ARHGEF10: variants seen among roughly 807,000 people sequenced by gnomAD.
ARHGEF10 encodes the protein Rho guanine nucleotide exchange factor (GEF) 10.
In ARHGEF10, 140 loss-of-function variants were observed where a neutral mutation model predicts 147.4. The observed-to-expected ratio is 0.95, with a 90% CI of 0.83 to 1.09. The LOEUF (loss-of-function observed/expected upper bound fraction) is 1.09, where lower values mean the gene tolerates loss of function less well. ARHGEF10 is among the 50% of genes least tolerant of loss of function. The pLI is 0.00. For synonymous variants in ARHGEF10, 902 were observed against 695.8 expected, an observed-to-expected ratio of 1.30 and a Z score of -4.67; for missense variants, 2,222 against 1,752.7, an observed-to-expected ratio of 1.27 and a Z score of -4.78.
chr8:1,824,182 T>C (rs998252860), intron 1 of ARHGEF10, 69 bp downstream of exon 1: 6 of 152,178 alleles, frequency 3.9e-5, no homozygotes, highest in Non-Finnish European at 5.9e-5. Context: ...GTTGCACTTC[T>C]GCCCGGCTCC....
At chr8:1,839,423 CTGTCTGGTGTGGGGAG>C (rs1476654804) in intron 1 of ARHGEF10, among the ~76,000 whole-genome samples, 1 of 139,390 alleles carries the variant, frequency 7.2e-6, no homozygotes, top group Non-Finnish European at 1.5e-5. Context: ...GCTGTGGAAG[CTGTCTGGTGTGGGGAG>C]TGTCTGGTGT....
At chr8:1,845,548 C>T (rs35717593) in intron 2 of ARHGEF10, among the ~76,000 whole-genome samples, 10 of 152,112 alleles carry the variant, frequency 6.6e-5, no homozygotes, top group Non-Finnish European at 1.3e-4. Context: ...GCGTGGAGGA[C>T]GTAGGACCCG....
intron 1 of ARHGEF10, among the ~76,000 whole-genome samples, chr8:1,834,350 C>T (rs1287712413): frequency 1.3e-5 from 2 of 152,234 alleles, no homozygotes; most frequent in East Asian, 3.9e-4. Flanking sequence ...GGGAGAAGAT[C>T]CCACGGAGAC....
chr8:1,855,536 C>T (rs1237220607), intron 2 of ARHGEF10, among the ~76,000 whole-genome samples: 1 of 151,942 alleles, frequency 6.6e-6, no homozygotes, highest in African/African-American at 2.4e-5. Context: ...TCCACGCCTT[C>T]ACCCCAGGCT....
At chr8:1,835,514 C>A (rs762858772) in intron 1 of ARHGEF10, among the ~76,000 whole-genome samples, 27 of 152,192 alleles carry the variant, frequency 1.8e-4, no homozygotes, top group Non-Finnish European at 3.7e-4. Context: ...GACTTCCTCC[C>A]ACGCAGGAGT....
At chr8:1,849,971 G>T (rs1162333339) in intron 2 of ARHGEF10, among the ~76,000 whole-genome samples, 4 of 123,806 alleles carry the variant, frequency 3.2e-5, no homozygotes, top group Non-Finnish European at 5.2e-5. Flanking sequence ...AGGAGGGCGT[G>T]GGCCGGCTGC....
In ARHGEF10 at chr8:1,928,540, C is replaced by A. The variant is rs142010865; in HGVS notation, c.2811C>A (p.Tyr937Ter). The A allele has an allele frequency of 6.2e-7, 1 of 1,614,208 alleles. No individual in the cohort carries two copies. The highest frequency in any genetic ancestry group is 1.7e-5 in the Admixed American group (1 of 60,026). The change falls in exon 24 of 29, where the codon TAC becomes TAA. Residue 937 changes from tyrosine (Y) to a stop codon, truncating the protein, a stop_gained. Coordinates refer to ENST00000349830, the MANE Select transcript of ARHGEF10 (RefSeq NM_014629.4). LOFTEE classifies it high-confidence loss of function. ...AATCTCGCATCCTGTGCATGCTGTA[C>A]GTTCCCGTCGAGGAGAAGCGCAGAG... ...NVESRILCMLYVPVEEKRREP... is the reference protein window; with the variant it reads ...NVESRILCML
intron 1 of ARHGEF10, among the ~76,000 whole-genome samples, chr8:1,826,309 C>A (rs1247286246): frequency 6.6e-6 from 1 of 152,068 alleles, no homozygotes; most frequent in South Asian, 2.1e-4. Context: ...GCTGCCTTTC[C>A]TCTGCAGTTT....
intron 25 of ARHGEF10, among the ~76,000 whole-genome samples, chr8:1,931,145 A>C (rs893566355): frequency 6.6e-6 from 1 of 152,136 alleles, no homozygotes; most frequent in African/African-American, 2.4e-5. Flanking sequence ...GCTCCACGGT[A>C]GGCGGAGGCC....
chr8:1,918,903 G>A (rs2129201525), intron 18 of ARHGEF10, among the ~76,000 whole-genome samples: 1 of 151,172 alleles, frequency 6.6e-6, no homozygotes, highest in South Asian at 2.1e-4. Flanking sequence ...ATTCTGTAAA[G>A]TGACGGAGGT....
intron 4 of ARHGEF10, among the ~76,000 whole-genome samples, chr8:1,862,775 C>CCT (rs1806242813): frequency 1.7e-5 from 2 of 120,508 alleles, no homozygotes; most frequent in Non-Finnish European, 1.7e-5. Flanking sequence ...TTTTCTTCTT[C>CCT]TTTTTTTTTT....
At chr8:1,918,891 CT>C (rs1269629174) in intron 18 of ARHGEF10, among the ~76,000 whole-genome samples, 1 of 149,290 alleles carries the variant, frequency 6.7e-6, no homozygotes, top group Non-Finnish European at 1.5e-5. Flanking sequence ...GGTGATGGAG[CT>C]ATTCTGTAAA....
chr8:1,894,533 G>A lies in ARHGEF10; in HGVS notation c.1401G>A (p.Trp467Ter). Residue 467 changes from tryptophan to a stop codon, truncating the protein, a stop_gained, in exon 13 of 29, where the codon TGG (tryptophan) becomes TGA (stop). Transcript: ENST00000349830. LOFTEE classifies it high-confidence loss of function. The stretch of plus-strand genomic sequence containing the variant: ...CGCTGGCCAGCCGCGTTTCCGAGTG[G>A]GACTCCGTGGAAATGATAGGCGATG... ...QIALASRVSE[W>*]DSVEMIGDVF... 3 of 1,614,164 alleles carry A rather than the reference G, an allele frequency of 1.9e-6. No individual in the cohort carries two copies. The highest frequency in any genetic ancestry group is 2.5e-6 in the Non-Finnish European group (3 of 1,180,030).
In ARHGEF10 at chr8:1,880,055, A is replaced by C; in HGVS notation, c.851A>C (p.His284Pro). The C allele has an allele frequency of 6.2e-7, 1 of 1,611,872 alleles. No individual in the cohort carries two copies. Among genetic ancestry groups the C allele is most frequent in the African/African-American group, 1.3e-5 (1 of 75,018 alleles). ...LRSNHKKQLS[H>P]DLTRLKEHYE... ...TGTCTCTTTATGCTGTAGCTTTCTC[A>C]TGACCTAACCCGTTTAAAGGAGCAC... The change falls in exon 9 of 29, where the codon CAT becomes CCT. Residue 284 changes from histidine to proline, a missense_variant. Transcript: ENST00000349830.
chr8:1,922,935 C>CTT, intron 18 of ARHGEF10, 29 bp from the exon 19 acceptor site: 2 of 1,464,580 alleles, frequency 1.4e-6, no homozygotes, highest in Non-Finnish European at 1.9e-6. Flanking sequence ...CCTTTGTATT[C>CTT]TTTTTTTTTC....
At chr8:1,844,437 G>A (rs76626410) in intron 2 of ARHGEF10, among the ~76,000 whole-genome samples, 5,667 of 112,730 alleles carry the variant, frequency 0.05, 208 homozygotes, top group East Asian at 0.086. Flanking sequence ...GGGGCCTGCT[G>A]GACGACAGAG....
At chr8:1,890,573 G>A (rs1049077835) in intron 11 of ARHGEF10, among the ~76,000 whole-genome samples, 1 of 144,494 alleles carries the variant, frequency 6.9e-6, no homozygotes, top group South Asian at 2.2e-4. Flanking sequence ...GAGTCACTGA[G>A]TGTGTAAGGG....
intron 7 of ARHGEF10, among the ~76,000 whole-genome samples, chr8:1,873,391 G>T (rs1807300712): frequency 6.6e-6 from 1 of 152,062 alleles, no homozygotes; most frequent in African/African-American, 2.4e-5. Context: ...AAAAGCAAGA[G>T]GAGAAAGTCA....
At chr8:1,952,560 G>A in intron 27 of ARHGEF10, 145 bp from the exon 28 acceptor site, 2 of 1,085,948 alleles carry the variant, frequency 1.8e-6, no homozygotes, top group Non-Finnish European at 2.7e-6. Flanking sequence ...CTGGTGCTCG[G>A]GTTTGGGAAC....
Sources: allele counts gnomAD v4.1 joint callset (sites outside exome capture counted in the v4.1 genomes callset), GRCh38; gene constraint gnomAD v4.1.1; transcripts MANE v1.5; gene names NCBI Gene and HGNC (gene_info 2026-07-23, HGNC 2026-07-21).